Variants in PPFIA2 observed in about 807,000 individuals in gnomAD.
PPFIA2 encodes PPFI scaffold protein A2, also known as liprin-alpha-2.
In PPFIA2, 46 loss-of-function variants were observed where a neutral mutation model predicts 175.5. The observed-to-expected ratio is 0.26, with a 90% confidence interval of 0.21 to 0.34. PPFIA2 has a LOEUF of 0.34. Among genes scored for constraint, PPFIA2 ranks in the 10% least tolerant of loss-of-function variants. The pLI is 1.00. For missense variants in PPFIA2, 1,179 were observed against 1,506.1 expected, an observed-to-expected ratio of 0.78 and a Z score of 3.60; for synonymous variants, 568 against 511.4, an observed-to-expected ratio of 1.11 and a Z score of -1.49.
chr12:81,263,330 C>T lies in PPFIA2; in HGVS notation c.3616G>A (p.Val1206Ile), dbSNP rs761432255. Residue 1206 changes from valine to isoleucine, a missense_variant, in exon 31 of 33, where the codon GTA becomes ATA. Coordinates refer to ENST00000549396, the MANE Select transcript of PPFIA2 (RefSeq NM_003625.5). ...TWRRQFPPRE[V>I]HGISMMPGSS... ...CCAGGCATCATGCTGATTCCATGTA[C>T]TTCACGAGGAGGAAACTGCCTTCTC... 2 of 1,612,782 alleles carry T rather than the reference C, an allele frequency of 1.2e-6. No individual in the cohort carries two copies. The highest frequency in any genetic ancestry group is 1.3e-5 in the African/African-American group (1 of 74,898).
intron 24 of PPFIA2, among the ~76,000 whole-genome samples, chr12:81,291,823 A>G (rs2045107831): frequency 6.6e-6 from 1 of 152,014 alleles, no homozygotes; most frequent in African/African-American, 2.4e-5. Flanking sequence ...AGTAGGATGA[A>G]AGTTTTGGGC....
At chr12:81,735,427 AT>A (rs2081449823) in intron 3 of PPFIA2, among the ~76,000 whole-genome samples, 1 of 151,856 alleles carries the variant, frequency 6.6e-6, no homozygotes, top group East Asian at 1.9e-4. Context: ...TTGTTTACCC[AT>A]TTTTTAATTG....
chr12:81,345,363 C>G (rs935936115), intron 18 of PPFIA2, among the ~76,000 whole-genome samples: 4 of 152,006 alleles, frequency 2.6e-5, no homozygotes, highest in African/African-American at 9.7e-5. Flanking sequence ...TATTTCTTTA[C>G]TCTTCTAAAA....
intron 4 of PPFIA2, among the ~76,000 whole-genome samples, chr12:81,600,772 G>A (rs1026250891): frequency 6.6e-6 from 1 of 151,954 alleles, no homozygotes; most frequent in African/African-American, 2.4e-5. Flanking sequence ...AGAGTTGTGA[G>A]TAGAAATAAT....
rs995146194 is a variant in PPFIA2 at position 81,369,333 on chromosome 12, G to A, written c.1267-139C>T. 3.3e-6 allele frequency: 5 copies of A among 1,502,152 alleles called. No homozygotes were observed. In the East Asian group the frequency reaches 1.0e-4, roughly 31 times the overall value. The allele number at this position is 1,502,152 out of a possible 1,614,324, so 93.1% of individuals were successfully genotyped here. A position where few individuals can be genotyped will look rare whatever the true frequency, so the allele number is the denominator to read the frequency against. Reference sequence around the variant, plus strand: ...TTAAAAAATAAACTTTCTTCAAACAGGCAGCTGAACAGCATTGCTTGAAAT... The same window carrying A: ...TTAAAAAATAAACTTTCTTCAAACAAGCAGCTGAACAGCATTGCTTGAAAT... On this transcript the variant is annotated intron_variant, in intron 11 of 32. Coordinates refer to ENST00000549396, the MANE Select transcript of PPFIA2 (RefSeq NM_003625.5).
At chr12:81,437,430 C>T (rs1217520387) in intron 7 of PPFIA2, among the ~76,000 whole-genome samples, 1 of 152,258 alleles carries the variant, frequency 6.6e-6, no homozygotes, top group African/African-American at 2.4e-5. Context: ...AGGGTTTCAC[C>T]GTGTTAGCCA....
intron 7 of PPFIA2, among the ~76,000 whole-genome samples, chr12:81,406,867 C>A (rs2043028641): frequency 6.6e-6 from 1 of 152,100 alleles, no homozygotes; most frequent in Non-Finnish European, 1.5e-5. Flanking sequence ...ACAAGACCAA[C>A]ATGTCACAAG....
intron 3 of PPFIA2, among the ~76,000 whole-genome samples, chr12:81,715,687 T>A (rs1352296897): frequency 6.6e-6 from 1 of 151,768 alleles, no homozygotes; most frequent in African/African-American, 2.4e-5. Flanking sequence ...TTTTGCAAGC[T>A]GCATGTATAA....
intron 11 of PPFIA2, among the ~76,000 whole-genome samples, chr12:81,372,941 G>GAT (rs1555328510): frequency 4.6e-5 from 7 of 151,002 alleles, no homozygotes; most frequent in Admixed American, 6.6e-5. Flanking sequence ...TTGTGCCCAA[G>GAT]ATATATATAT....
At chr12:81,420,832 A>G (rs1023934590) in intron 7 of PPFIA2, among the ~76,000 whole-genome samples, 2 of 152,188 alleles carry the variant, frequency 1.3e-5, no homozygotes, top group Admixed American at 1.3e-4. Context: ...AAAGTTCCCA[A>G]ATAAGATCAA....
intron 4 of PPFIA2, among the ~76,000 whole-genome samples, chr12:81,614,358 AG>A (rs1352014143): frequency 6.6e-6 from 1 of 152,218 alleles, no homozygotes; most frequent in Non-Finnish European, 1.5e-5. Context: ...TAAGATGAGA[AG>A]AAAAGAAGAA....
chr12:81,570,195 A>G (rs1291669294), intron 4 of PPFIA2, among the ~76,000 whole-genome samples: 4 of 152,222 alleles, frequency 2.6e-5, no homozygotes, highest in African/African-American at 4.8e-5. Flanking sequence ...GATGTATTGA[A>G]AGATAAGTTT....
At chr12:81,358,058 A>G in intron 16 of PPFIA2, 24 bp downstream of exon 16, 2 of 1,546,642 alleles carry the variant, frequency 1.3e-6, no homozygotes, top group South Asian at 1.3e-5. Context: ...AAAACTAGAG[A>G]AGAGTTGAAG....
rs1485247788 is a variant in PPFIA2 at position 81,630,818 on chromosome 12, C to G, written c.303+45973G>C. 4.0e-5 allele frequency among the ~76,000 whole-genome samples: 6 copies of G among 151,120 alleles called. No individual in the cohort carries two copies. In the East Asian group the frequency reaches 1.2e-3, roughly 29 times the overall value. On this transcript the variant is annotated intron_variant, in intron 4 of 32. Coordinates refer to ENST00000549396, the MANE Select transcript of PPFIA2 (RefSeq NM_003625.5). The stretch of plus-strand genomic sequence containing the variant: ...TTTCTATATAATTGCGTAATGCTTT[C>G]TTTAAAAAGAATTGTGCTTCCAGGC...
At chr12:81,531,979 C>A in intron 4 of PPFIA2, among the ~76,000 whole-genome samples, 1 of 151,790 alleles carries the variant, frequency 6.6e-6, no homozygotes, top group Admixed American at 6.6e-5. Flanking sequence ...GGACACATTT[C>A]TTGATAAATG....
chr12:81,394,201 T>A (rs1160874140), intron 8 of PPFIA2, among the ~76,000 whole-genome samples: 1 of 151,896 alleles, frequency 6.6e-6, no homozygotes, highest in Non-Finnish European at 1.5e-5. Flanking sequence ...TCTGATCAAG[T>A]TTTGAAAGTT....
chr12:81,284,242 GT>G lies in PPFIA2; in HGVS notation c.2986del (p.Thr996ArgfsTer24). On this transcript the variant is annotated frameshift_variant and splice_region_variant, in exon 25 of 33. Transcript: ENST00000549396. LOFTEE classifies it high-confidence loss of function. ...TTCAACAAAGCCATTAAGACTAACC[GT>G]TTTTGCTGGAGCTGCAAGATTTTCC... ...EMENLAAPAKTKESEEGSWAQ... is the reference protein window; with the variant it reads ...EMENLAAPAKXKESEEGSWAQ... 1.3e-6 allele frequency: 2 copies of G among 1,583,858 alleles called. No individual in the cohort carries two copies. Among genetic ancestry groups the G allele is most frequent in the Non-Finnish European group, 1.7e-6 (2 of 1,156,108 alleles).
chr12:81,628,081 T>C (rs1464537371), intron 4 of PPFIA2, among the ~76,000 whole-genome samples: 4 of 152,192 alleles, frequency 2.6e-5, no homozygotes, highest in African/African-American at 9.7e-5. Context: ...GAAGTTGATA[T>C]AAGGCTTTCA....
At chr12:81,625,022 T>C (rs933629819) in intron 4 of PPFIA2, among the ~76,000 whole-genome samples, 4 of 151,988 alleles carry the variant, frequency 2.6e-5, no homozygotes, top group Middle Eastern at 3.4e-3. Flanking sequence ...TAAAAATGTA[T>C]GGCAGTATGG....
Sources: allele counts gnomAD v4.1 joint callset (sites outside exome capture counted in the v4.1 genomes callset), GRCh38; gene constraint gnomAD v4.1.1; transcripts MANE v1.5; gene names NCBI Gene and HGNC (gene_info 2026-07-23, HGNC 2026-07-21).